The following SH3TC1 variants were observed in gnomAD, a reference collection of about 807,000 sequenced individuals.
SH3TC1 encodes SH3 domain and tetratricopeptide repeats 1.
Under a neutral mutation model 117.3 loss-of-function variants are expected in SH3TC1, and 135 were observed. The observed-to-expected ratio is 1.15, with a 90% CI of 1.00 to 1.33. SH3TC1 has a LOEUF of 1.33. Ranked by LOEUF, SH3TC1 falls within the 40% of genes most tolerant of loss-of-function variation. The pLI, the probability that SH3TC1 is intolerant of heterozygous loss-of-function variation, is 0.00. For synonymous variants in SH3TC1, 898 were observed against 816.9 expected, an observed-to-expected ratio of 1.10 and a Z score of -1.69; for missense variants, 2,092 against 1,794.3, an observed-to-expected ratio of 1.17 and a Z score of -3.00.
At chr4:8,208,921 T>C (rs1256617133) in intron 2 of SH3TC1, among the ~76,000 whole-genome samples, 2 of 152,240 alleles carry the variant, frequency 1.3e-5, no homozygotes, top group Non-Finnish European at 2.9e-5. Context: ...CTGCTGCAGT[T>C]GCAGGTTTTC....
At chr4:8,194,712 A>G (rs1227877524), upstream of SH3TC1, among the ~76,000 whole-genome samples, 1 of 152,208 alleles carries the variant, frequency 6.6e-6, no homozygotes, top group East Asian at 1.9e-4. Flanking sequence ...AGCTGGTCCC[A>G]GAGATCAGGA....
intron 17 of SH3TC1, among the ~76,000 whole-genome samples, chr4:8,238,441 A>G (rs1722018699): frequency 6.6e-6 from 1 of 152,040 alleles, no homozygotes; most frequent in African/African-American, 2.4e-5. Flanking sequence ...GCCCGCCCCT[A>G]CTCAGCATCA....
At chr4:8,234,454 T>C (rs1027588569) in intron 14 of SH3TC1, among the ~76,000 whole-genome samples, 4 of 146,450 alleles carry the variant, frequency 2.7e-5, no homozygotes, top group African/African-American at 1.0e-4. Flanking sequence ...CACCCACCCA[T>C]ACATACACAC....
At chr4:8,217,732 G>A (rs1377770612) in intron 7 of SH3TC1, among the ~76,000 whole-genome samples, 1 of 152,240 alleles carries the variant, frequency 6.6e-6, no homozygotes, top group African/African-American at 2.4e-5. Flanking sequence ...TCCTTCCTAT[G>A]TGCTCTGGCC....
intron 12 of SH3TC1, among the ~76,000 whole-genome samples, chr4:8,229,601 C>T (rs951110998): frequency 1.3e-5 from 2 of 151,620 alleles, no homozygotes; most frequent in Non-Finnish European, 2.9e-5. Flanking sequence ...TGGTTGGGTG[C>T]TGGATGGTGA....
In SH3TC1 at chr4:8,235,429, T is replaced by C. The variant is rs746650090; in HGVS notation, c.3283-4T>C. On this transcript the variant is annotated splice_polypyrimidine_tract_variant and splice_region_variant and intron_variant, in intron 14 of 17. Coordinates refer to ENST00000245105, the MANE Select transcript of SH3TC1 (RefSeq NM_018986.5). The stretch of plus-strand genomic sequence containing the variant: ...GTCTTGAGGGAACTTCTGCCTCCTT[T>C]CAGGTGGCACAGAACGTGGCCCTGT... 8.0e-6 allele frequency: 12 copies of C among 1,498,196 alleles called. No individual in the cohort carries two copies. In the Admixed American group the frequency reaches 2.0e-4, roughly 25 times the overall value. 92.8% of individuals were successfully genotyped at this position (1,498,196 alleles called of 1,614,324 possible).
intron 2 of SH3TC1, among the ~76,000 whole-genome samples, chr4:8,207,228 T>C (rs1718288009): frequency 6.6e-6 from 1 of 152,232 alleles, no homozygotes; most frequent in Non-Finnish European, 1.5e-5. Flanking sequence ...GTGCAGCTAC[T>C]ATTTCTTCAC....
At chr4:8,221,172 C>T (rs1411140681) in intron 9 of SH3TC1, among the ~76,000 whole-genome samples, 1 of 152,214 alleles carries the variant, frequency 6.6e-6, no homozygotes, top group Non-Finnish European at 1.5e-5. Flanking sequence ...CTACCATCTC[C>T]AAGGGAGACC....
rs143876832 is a variant in SH3TC1 at position 8,240,825 on chromosome 4, G to A, written c.3881G>A (p.Arg1294His). 3.6e-4 allele frequency: 575 copies of A among 1,614,064 alleles called. 3 individuals are homozygous for A. Among genetic ancestry groups the A allele is most frequent in the East Asian group, 2.3e-3 (102 of 44,878 alleles). ...ATCTACCACAACTTCCTCCTGGACC[G>A]TGAGAAGTCGCTCTTCTTCTACCAG... ...ATIYHNFLLD[R>H]EKSLFFYQKA... Residue 1294 changes from arginine (R) to histidine (H), a missense_variant, in exon 18 of 18, where the codon CGT becomes CAT. Arg to His is a conservative substitution (Grantham distance 29, BLOSUM62 0). Transcript: ENST00000245105.
rs1561710417 is a variant in SH3TC1, at chr4:8,228,033, C to T, written c.2339C>T (p.Thr780Ile). The stretch of plus-strand genomic sequence containing the variant: ...GCGCTGGCCTCCCTGACCCCGGGCA[C>T]AGGCCAGGCGCTGCGCGGCCCCCTC... ...RQALASLTPG[T>I]GQALRGPLYT... Residue 780 changes from threonine (T) to isoleucine (I), a missense_variant, in exon 12 of 18, where the codon ACA (threonine) becomes ATA (isoleucine). Physicochemically the swap from Thr to Ile is moderately conservative, Grantham distance 89. Coordinates refer to ENST00000245105, the MANE Select transcript of SH3TC1 (RefSeq NM_018986.5). The T allele has an allele frequency of 1.9e-6, 3 of 1,609,680 alleles. No homozygotes were observed. Among genetic ancestry groups the T allele is most frequent in the Admixed American group, 3.3e-5 (2 of 59,848 alleles).
At position 8,225,918 on chromosome 4, in the gene SH3TC1, G is replaced by T. The variant is rs1473800608; in HGVS notation, c.1285+702G>T. 6.6e-6 allele frequency among the ~76,000 whole-genome samples: 1 copy of T among 152,102 alleles called. No homozygotes were observed. The highest frequency in any genetic ancestry group is 1.5e-5 in the Non-Finnish European group (1 of 68,022). On this transcript the variant is annotated intron_variant, in intron 11 of 17. Transcript: ENST00000245105. This position sits in a 1 kb window ranked among gnomAD's most constrained non-coding sequence, Gnocchi z 5.5. Reference sequence around the variant, plus strand: ...GATCCACCCTCTGCCGAAGTCCCTGGAGCAAATGCGAGTGACTCCAGCTGC... The same window carrying T: ...GATCCACCCTCTGCCGAAGTCCCTGTAGCAAATGCGAGTGACTCCAGCTGC...
intron 5 of SH3TC1, among the ~76,000 whole-genome samples, chr4:8,215,393 G>C (rs1474329850): frequency 6.6e-6 from 1 of 152,204 alleles, no homozygotes; most frequent in Non-Finnish European, 1.5e-5. Flanking sequence ...AAGCACCGGT[G>C]AGCAGGGCTG....
Position 8,228,283 on chromosome 4 carries a change from C to A in SH3TC1, c.2589C>A (p.Gly863=), listed in dbSNP as rs374101763. Residue 863 remains glycine, a synonymous_variant, in exon 12 of 18, where the codon GGC becomes GGA. Coordinates refer to ENST00000245105, the MANE Select transcript of SH3TC1 (RefSeq NM_018986.5). Reference sequence around the variant, plus strand: ...TGGTGGCCAGCGAGGACCAGGAGGGCGTGATTGCCAACATGGTGGCCGTGG... The same window carrying A: ...TGGTGGCCAGCGAGGACCAGGAGGGAGTGATTGCCAACATGGTGGCCGTGG... The part of the protein sequence containing the change: ...DAVVASEDQE[G]VIANMVAVAL... The A allele has an allele frequency of 8.1e-6, 13 of 1,612,180 alleles. No individual in the cohort carries two copies. The highest frequency in any genetic ancestry group is 1.1e-5 in the Non-Finnish European group (13 of 1,179,840).
At chr4:8,224,862 C>T (rs1275821709) in intron 10 of SH3TC1, among the ~76,000 whole-genome samples, 4 of 152,176 alleles carry the variant, frequency 2.6e-5, no homozygotes, top group Non-Finnish European at 5.9e-5. Context: ...GTGGAATCCC[C>T]ACAGGGGTTG....
upstream of SH3TC1, among the ~76,000 whole-genome samples, chr4:8,196,031 C>T (rs576380747): frequency 6.6e-6 from 1 of 152,368 alleles, no homozygotes; most frequent in South Asian, 2.1e-4. The surrounding 1 kb of genome is among the most constrained non-coding windows in gnomAD (Gnocchi z 4.6). Context: ...CCCCACCTGC[C>T]TGTCGAGCGC....
intron 9 of SH3TC1, among the ~76,000 whole-genome samples, chr4:8,220,016 C>A (rs1719750508): frequency 6.6e-6 from 1 of 152,180 alleles, no homozygotes; most frequent in Admixed American, 6.5e-5. Flanking sequence ...TGGCTGTCTT[C>A]CTCTGTGTGT....
At chr4:8,214,435 C>T (rs773115218) in intron 4 of SH3TC1, 40 bp from the exon 5 acceptor site, 64 of 1,559,810 alleles carry the variant, frequency 4.1e-5, no homozygotes, top group Non-Finnish European at 2.6e-6. Flanking sequence ...TGCCCCAGAG[C>T]TCCTGGGGAC....
chr4:8,228,729 T>G (rs1281152), intron 12 of SH3TC1, 85 bp downstream of exon 12: 739,959 of 1,165,834 alleles, frequency 0.63, 238,810 homozygotes, highest in Middle Eastern at 0.72. Flanking sequence ...ACACAAGCGG[T>G]GGTTTTTCCA....
At chr4:8,236,221 G>C in intron 15 of SH3TC1, 57 bp from the exon 16 acceptor site, 1 of 1,490,544 alleles carries the variant, frequency 6.7e-7, no homozygotes, top group South Asian at 1.3e-5. Context: ...GCTCTGAGGA[G>C]GGCGCTGGGC....
Sources: gnomAD v4.1 joint callset for allele counts (sites outside exome capture counted in the v4.1 genomes callset) on GRCh38, gnomAD v4.1.1 for gene constraint, Gnocchi (gnomAD v3.1) non-coding constraint, MANE v1.5 for transcripts, NCBI Gene and HGNC (gene_info 2026-07-23, HGNC 2026-07-21) for gene names.